TSHZ2: variants seen among roughly 807,000 people sequenced by gnomAD.
TSHZ2 encodes the protein teashirt homolog 2.
In TSHZ2, 21 loss-of-function variants were observed where a neutral mutation model predicts 74.4. The observed-to-expected ratio is 0.28, with a 90% CI of 0.20 to 0.41. The LOEUF (loss-of-function observed/expected upper bound fraction) is 0.41. TSHZ2 is among the 10% of genes least tolerant of loss of function. The probability of loss-of-function intolerance (pLI) is 1.00; values close to 1 mark genes in which losing one functional copy is unlikely to be tolerated. For synonymous variants in TSHZ2, 540 were observed against 515.3 expected (o/e 1.05, Z -0.65); for missense variants, 1,244 against 1,293.5 (o/e 0.96, Z 0.59).
chr20:53,174,193 C>A (rs578254641), intron 1 of TSHZ2, among the ~76,000 whole-genome samples: 117 of 152,232 alleles, frequency 7.7e-4, no homozygotes, highest in Non-Finnish European at 1.3e-3. Flanking sequence ...AGCGTTAGAG[C>A]TAGGATAGGG....
Position 53,074,085 on chromosome 20 carries a change from CAT to C in TSHZ2, c.40+100753_40+100754del, listed in dbSNP as rs568256339. On this transcript the variant is annotated intron_variant, in intron 1 of 2. Coordinates refer to ENST00000371497, the MANE Select transcript of TSHZ2 (RefSeq NM_173485.6). The surrounding 1 kb of genome is among the most constrained non-coding windows in gnomAD (Gnocchi z 5.9). ...TTCGCAATTCTAGCATTGTAAAAGACATGTACATACAACTGTCTCTCACCTTC... is the reference window on the plus strand; with the variant it reads ...TTCGCAATTCTAGCATTGTAAAAGACGTACATACAACTGTCTCTCACCTTC... 2.4e-4 allele frequency among the ~76,000 whole-genome samples: 37 copies of C among 152,306 alleles called. No homozygotes were observed. The highest frequency in any genetic ancestry group is 8.9e-4 in the African/African-American group (37 of 41,566).
intron 1 of TSHZ2, among the ~76,000 whole-genome samples, chr20:53,037,958 A>C (rs1371248207): frequency 6.6e-6 from 1 of 152,024 alleles, no homozygotes; most frequent in Non-Finnish European, 1.5e-5. Flanking sequence ...ACATGCGCTC[A>C]GGTAAATCTC....
chr20:53,000,691 T>C (rs149035598), intron 1 of TSHZ2, among the ~76,000 whole-genome samples: 1 of 152,114 alleles, frequency 6.6e-6, no homozygotes, highest in African/African-American at 2.4e-5. Flanking sequence ...GTCAAAATAA[T>C]GGAAACAATT....
intron 1 of TSHZ2, among the ~76,000 whole-genome samples, chr20:53,169,234 C>A (rs1289145621): frequency 1.3e-5 from 2 of 152,202 alleles, no homozygotes; most frequent in Middle Eastern, 3.2e-3. Context: ...TCTCACCTTT[C>A]TGGGCTTTAT....
chr20:53,079,097 C>T (rs568511831), intron 1 of TSHZ2, among the ~76,000 whole-genome samples: 1 of 152,072 alleles, frequency 6.6e-6, no homozygotes, highest in African/African-American at 2.4e-5. Flanking sequence ...TTTTGGAGAG[C>T]GTGGAAGACT....
chr20:53,066,368 C>A (rs539721315), intron 1 of TSHZ2, among the ~76,000 whole-genome samples: 1 of 152,194 alleles, frequency 6.6e-6, no homozygotes, highest in Non-Finnish European at 1.5e-5. Context: ...CTTCACTGCC[C>A]CCCACCCCCC....
At chr20:53,147,058 C>A (rs1367132025) in intron 1 of TSHZ2, among the ~76,000 whole-genome samples, 1 of 152,120 alleles carries the variant, frequency 6.6e-6, no homozygotes, top group Admixed American at 6.5e-5. Flanking sequence ...CTTCTTCTTC[C>A]ATTTTGATGC....
chr20:53,443,650 C>G (rs987257102), intron 2 of TSHZ2, among the ~76,000 whole-genome samples: 2 of 152,232 alleles, frequency 1.3e-5, no homozygotes, highest in African/African-American at 4.8e-5. Flanking sequence ...AAGTTAATGG[C>G]TGTGAATGTA....
At chr20:52,974,098 T>C (rs1981238306) in intron 1 of TSHZ2, among the ~76,000 whole-genome samples, 1 of 152,122 alleles carries the variant, frequency 6.6e-6, no homozygotes, top group Non-Finnish European at 1.5e-5. Context: ...TAAGAACAGG[T>C]TAATGGATCA....
chr20:53,003,466 C>T (rs1054994375), intron 1 of TSHZ2, among the ~76,000 whole-genome samples: 3 of 152,116 alleles, frequency 2.0e-5, no homozygotes, highest in African/African-American at 4.8e-5. Context: ...TCGGCTTACA[C>T]GCTTTCAAAC....
chr20:53,019,939 A>C (rs1600649419), intron 1 of TSHZ2, among the ~76,000 whole-genome samples: 2 of 152,110 alleles, frequency 1.3e-5, no homozygotes, highest in South Asian at 4.1e-4. Context: ...GGTTTAATTG[A>C]CTCACAGTTC....
At chr20:53,426,603 A>G (rs558815814) in intron 2 of TSHZ2, among the ~76,000 whole-genome samples, 3 of 152,326 alleles carry the variant, frequency 2.0e-5, no homozygotes, top group South Asian at 4.1e-4. Context: ...AAGATAAATG[A>G]TGATTTTTAT....
In TSHZ2 at chr20:53,285,760, T is replaced by C. The variant is rs139411878; in HGVS notation, c.*8+29189T>C. On this transcript the variant is annotated intron_variant, in intron 2 of 2. Transcript: ENST00000371497. ...AGAAAGAAAGAAAAAGAAATGGTAG[T>C]GGTGCCCAGCTTCCTTTGTGAAGTG... Among the ~76,000 whole-genome samples, 4 of 152,030 alleles carry C rather than the reference T, an allele frequency of 2.6e-5. No individual in the cohort carries two copies. In the East Asian group the frequency reaches 7.7e-4, roughly 29 times the overall value.
At chr20:53,141,471 C>A (rs143345551) in intron 1 of TSHZ2, among the ~76,000 whole-genome samples, 1 of 152,190 alleles carries the variant, frequency 6.6e-6, no homozygotes, top group Non-Finnish European at 1.5e-5. Context: ...ATCCTGTAGC[C>A]GGCATTCAAT....
intron 1 of TSHZ2, among the ~76,000 whole-genome samples, chr20:53,029,458 C>T (rs1360003612): frequency 6.6e-6 from 1 of 152,150 alleles, no homozygotes; most frequent in Middle Eastern, 3.2e-3. Context: ...GGCAGATTAT[C>T]TGAGGTCAGG....
intron 1 of TSHZ2, among the ~76,000 whole-genome samples, chr20:53,052,218 G>A (rs73913058): frequency 0.093 from 14,195 of 152,050 alleles, 1,808 homozygotes; most frequent in African/African-American, 0.29. Flanking sequence ...CCTCATGTAC[G>A]TAGAATCACG....
chr20:53,063,435 C>T (rs1984881476), intron 1 of TSHZ2, among the ~76,000 whole-genome samples: 1 of 152,058 alleles, frequency 6.6e-6, no homozygotes, highest in African/African-American at 2.4e-5. Flanking sequence ...GGAACATATG[C>T]ATAAAATGAT....
At chr20:53,137,887 A>T (rs796203811) in intron 1 of TSHZ2, among the ~76,000 whole-genome samples, 10 of 152,324 alleles carry the variant, frequency 6.6e-5, no homozygotes, top group African/African-American at 2.4e-4. Context: ...ATTTCATTTG[A>T]ATAGTTGTGG....
At chr20:53,200,375 A>G (rs1345412098) in intron 1 of TSHZ2, among the ~76,000 whole-genome samples, 1 of 152,238 alleles carries the variant, frequency 6.6e-6, no homozygotes, top group Non-Finnish European at 1.5e-5. Context: ...GGATGCCAGT[A>G]AGGCTGAGCA....
Sources: allele counts gnomAD v4.1 joint callset (sites outside exome capture counted in the v4.1 genomes callset), GRCh38; gene constraint gnomAD v4.1.1; non-coding constraint Gnocchi (gnomAD v3.1); transcripts MANE v1.5; gene names NCBI Gene and HGNC (gene_info 2026-07-23, HGNC 2026-07-21).